The following MEF2C variants were observed in gnomAD, a reference collection of about 807,000 sequenced individuals.
MEF2C encodes myocyte enhancer factor 2C.
In MEF2C, 6 loss-of-function variants were observed where a neutral mutation model predicts 50.5. The observed-to-expected ratio is 0.12, with a 90% CI of 0.07 to 0.23. The LOEUF (loss-of-function observed/expected upper bound fraction) is 0.23, where lower values mean the gene tolerates loss of function less well. Among genes scored for constraint, MEF2C ranks in the 10% least tolerant of loss-of-function variants. MEF2C has a pLI of 1.00. For missense variants in MEF2C, 276 were observed against 605.0 expected (o/e 0.46, Z 5.70); for synonymous variants, 183 against 228.0 (o/e 0.80, Z 1.78).
chr5:88,804,831 T>A (rs529251836), intron 2 of MEF2C, 30 bp from the exon 3 acceptor site: 49 of 1,582,684 alleles, frequency 3.1e-5, no homozygotes, highest in African/African-American at 1.9e-4. Flanking sequence ...CAAGATTTTT[T>A]AAAAAATATT....
Position 88,842,270 on chromosome 5 carries a change from A to G in MEF2C, c.-142-18340T>C, listed in dbSNP as rs966451406. 3.8e-4 allele frequency among the ~76,000 whole-genome samples: 58 copies of G among 152,260 alleles called. 1 individual carries two copies. The highest frequency in any genetic ancestry group is 3.4e-3 in the Middle Eastern group (1 of 294). On this transcript the variant is annotated intron_variant, in intron 1 of 10. Transcript: ENST00000504921. ...CCTACCTGTATTTGGGTGCTACAAT[A>G]TTAAGAATCCGGCCAATCACCAGGT...
At chr5:88,729,588 A>G (rs147162713) in intron 8 of MEF2C, 2 of 469,988 alleles carry the variant, frequency 4.3e-6, no homozygotes, top group East Asian at 8.4e-5. Flanking sequence ...AGTAACAAGT[A>G]CCATAGCTTT....
Position 88,761,287 on chromosome 5 carries a change from G to T in MEF2C, c.300C>A (p.Asp100Glu). 6.2e-7 allele frequency: 1 copy of T among 1,614,006 alleles called. No homozygotes were observed. Among genetic ancestry groups the T allele is most frequent in the Non-Finnish European group, 8.5e-7 (1 of 1,179,888 alleles). Residue 100 changes from aspartate (D) to glutamate (E), a missense_variant, in exon 4 of 11, where the codon GAC becomes GAA. Physicochemically the swap from Asp to Glu is conservative, Grantham distance 45. Around this residue, in one of 2 missense-constraint regions of MEF2C, gnomAD observed 20 missense variants for 136.9 expected, o/e 0.15. Coordinates refer to ENST00000504921, the MANE Select transcript of MEF2C (RefSeq NM_002397.5). ...KKGLNGCDSP[D>E]PDADDSVGHS... is the part of the protein sequence containing the mutation. ...GACCTACGGAATCGTCCGCATCGGG[G>T]TCTGGGCTGTCACAGCCATTAAGGC...
At chr5:88,805,823 C>CTTTTTTTT (rs869224140) in intron 2 of MEF2C, among the ~76,000 whole-genome samples, 1 of 61,590 alleles carries the variant, frequency 1.6e-5, no homozygotes, top group Non-Finnish European at 3.0e-5. Flanking sequence ...CGTGAACATT[C>CTTTTTTTT]TTTTTTTTTT....
At chr5:88,874,195 A>G (rs1830403394) in intron 1 of MEF2C, among the ~76,000 whole-genome samples, 1 of 151,980 alleles carries the variant, frequency 6.6e-6, no homozygotes, top group South Asian at 2.1e-4. Flanking sequence ...TTAATCGGGT[A>G]TAGTTTTATC....
intron 3 of MEF2C, among the ~76,000 whole-genome samples, chr5:88,773,586 T>G (rs1281010431): frequency 6.6e-6 from 1 of 152,252 alleles, no homozygotes; most frequent in Non-Finnish European, 1.5e-5. Context: ...CTTTCCATCC[T>G]TGGCAACTAG....
chr5:88,847,915 C>T (rs186619796), intron 1 of MEF2C, among the ~76,000 whole-genome samples: 100 of 152,210 alleles, frequency 6.6e-4, no homozygotes, highest in Middle Eastern at 6.8e-3. Flanking sequence ...AAGTTCCTCA[C>T]ATTTGAATTT....
At chr5:88,891,380 A>C (rs145823689) in intron 1 of MEF2C, among the ~76,000 whole-genome samples, 286 of 150,730 alleles carry the variant, frequency 1.9e-3, no homozygotes, top group Middle Eastern at 3.5e-3. Flanking sequence ...AGAAATGTTA[A>C]TAACCAACCA....
chr5:88,774,477 C>T, intron 3 of MEF2C, among the ~76,000 whole-genome samples: 1 of 152,100 alleles, frequency 6.6e-6, no homozygotes, highest in Middle Eastern at 3.2e-3. Context: ...CGCCCGCCAC[C>T]ACGCCAGGTT....
chr5:88,853,336 A>C (rs1252302013), intron 1 of MEF2C, among the ~76,000 whole-genome samples: 3 of 152,224 alleles, frequency 2.0e-5, no homozygotes, highest in Non-Finnish European at 4.4e-5. Context: ...ATACGTTTAA[A>C]CAAGAGTTGA....
At chr5:88,810,665 AC>A (rs1802396490) in intron 2 of MEF2C, among the ~76,000 whole-genome samples, 1 of 152,166 alleles carries the variant, frequency 6.6e-6, no homozygotes. Context: ...TGGCTGATGA[AC>A]TATAATTAAT....
In MEF2C at chr5:88,791,689, G is replaced by A. The variant is rs1045419838; in HGVS notation, c.258+12909C>T. The stretch of plus-strand genomic sequence containing the variant: ...AAATTTGATCTATACAAATCATTGT[G>A]GTATAGTTATGAGAAATATGAATAC... On this transcript the variant is annotated intron_variant, in intron 3 of 10. Coordinates refer to ENST00000504921, the MANE Select transcript of MEF2C (RefSeq NM_002397.5). Among the ~76,000 whole-genome samples the A allele has an allele frequency of 5.3e-5, 8 of 151,776 alleles. No homozygotes were observed. In the East Asian group the frequency reaches 1.5e-3, roughly 29 times the overall value.
rs547097735 is a variant in MEF2C, at chr5:88,768,849, GT to G, written c.259-7522del. ...AATTTACTACTTTTTGAAATGTACA[GT>G]TTTTAAGTTAGAAAGCAGTGCAATG... On this transcript the variant is annotated intron_variant, in intron 3 of 10. Transcript: ENST00000504921. Among the ~76,000 whole-genome samples the G allele has an allele frequency of 8.5e-5, 13 of 152,192 alleles. No homozygotes were observed. In the East Asian group the frequency reaches 9.6e-4, roughly 11 times the overall value.
chr5:88,860,641 T>G (rs2153422087), intron 1 of MEF2C, among the ~76,000 whole-genome samples: 1 of 152,352 alleles, frequency 6.6e-6, no homozygotes, highest in African/African-American at 2.4e-5. Context: ...AGCTATGATC[T>G]GGAAGTGTTG....
intron 6 of MEF2C, chr5:88,737,401 T>C (rs1256829708): frequency 1.0e-6 from 1 of 985,284 alleles, no homozygotes; most frequent in Admixed American, 6.2e-5. Context: ...TCACAGCACA[T>C]TACCTTAGCT....
At chr5:88,823,591 T>C (rs1809490331) in intron 2 of MEF2C, 144 bp downstream of exon 2, 2 of 646,694 alleles carry the variant, frequency 3.1e-6, no homozygotes, top group Non-Finnish European at 5.1e-6. Context: ...TAAGAGACTA[T>C]CAGCACTTTA....
intron 2 of MEF2C, among the ~76,000 whole-genome samples, chr5:88,806,948 A>C (rs1431107557): frequency 6.6e-6 from 1 of 152,208 alleles, no homozygotes; most frequent in African/African-American, 2.4e-5. Context: ...CCATGGTATA[A>C]AAATTGATAG....
At chr5:88,816,616 A>G (rs1165998975) in intron 2 of MEF2C, among the ~76,000 whole-genome samples, 1 of 151,796 alleles carries the variant, frequency 6.6e-6, no homozygotes, top group East Asian at 1.9e-4. Flanking sequence ...TTTAAGATTA[A>G]TAAAAGAATG....
chr5:88,742,486 C>G (rs1297967887), intron 6 of MEF2C: 1 of 978,552 alleles, frequency 1.0e-6, no homozygotes, highest in East Asian at 1.1e-4. Flanking sequence ...AACCAATCTT[C>G]ACAGTACTTT....
Sources: gnomAD v4.1 joint callset for allele counts (sites outside exome capture counted in the v4.1 genomes callset) on GRCh38, gnomAD v4.1.1 for gene constraint, gnomAD v4.1.1 regional missense constraint, MANE v1.5 for transcripts, NCBI Gene and HGNC (gene_info 2026-07-23, HGNC 2026-07-21) for gene names.